ZPLD1: variants seen among roughly 807,000 people sequenced by gnomAD.
ZPLD1 encodes zona pellucida like domain containing 1.
A neutral mutation model predicts 47.2 loss-of-function variants in ZPLD1; 34 were observed. The observed-to-expected ratio is 0.72, with a 90% CI of 0.55 to 0.96. The LOEUF is 0.96. ZPLD1 is among the 40% of genes least tolerant of loss of function. The pLI, the probability that ZPLD1 is intolerant of heterozygous loss-of-function variation, is 0.00. For missense variants in ZPLD1, 512 were observed against 505.8 expected (o/e 1.01, Z -0.12); for synonymous variants, 176 against 186.2 (o/e 0.95, Z 0.45).
chr3:102,430,565 T>C (rs1337431998), upstream of ZPLD1, among the ~76,000 whole-genome samples: 5 of 152,150 alleles, frequency 3.3e-5, no homozygotes, highest in Non-Finnish European at 2.9e-5. Flanking sequence ...AAATAATTAA[T>C]TAACAGAAAT....
intron 7 of ZPLD1, among the ~76,000 whole-genome samples, chr3:102,398,410 T>C (rs1360880422): frequency 2.0e-5 from 3 of 152,148 alleles, no homozygotes; most frequent in Non-Finnish European, 4.4e-5. Context: ...TTGTTTGACC[T>C]AAGGTGAGTC....
At position 102,435,565 on chromosome 3, in the gene ZPLD1, T is replaced by C. The variant is rs374867642; in HGVS notation, c.-123+411T>C. ...GGTGGCCTTGAAACTAAGTTTTCAATGCCTTCTGTATGTCCAAACTATACT... is the reference window on the plus strand; with the variant it reads ...GGTGGCCTTGAAACTAAGTTTTCAACGCCTTCTGTATGTCCAAACTATACT... On this transcript the variant is annotated intron_variant, in intron 1 of 11. Transcript: ENST00000466937. Among the ~76,000 whole-genome samples, 153 of 152,240 alleles carry C rather than the reference T, an allele frequency of 1.0e-3. 5 individuals are homozygous for C. The South Asian group carries it at 0.03, about 30-fold the overall frequency.
intron 7 of ZPLD1, among the ~76,000 whole-genome samples, chr3:102,463,142 AT>A (rs901347227): frequency 2.7e-4 from 41 of 151,962 alleles, no homozygotes; most frequent in Admixed American, 4.6e-4. Flanking sequence ...ATGGATTAGT[AT>A]TTTTTTTATA....
At chr3:102,450,722 T>C (rs1446172929) in intron 3 of ZPLD1, among the ~76,000 whole-genome samples, 2 of 152,172 alleles carry the variant, frequency 1.3e-5, no homozygotes, top group Non-Finnish European at 2.9e-5. Context: ...GTTAGGTTCC[T>C]GGACTAGTAC....
At chr3:102,459,942 T>C (rs1249728157) in intron 6 of ZPLD1, among the ~76,000 whole-genome samples, 1 of 152,118 alleles carries the variant, frequency 6.6e-6, no homozygotes, top group Non-Finnish European at 1.5e-5. Context: ...TGGCATTTGC[T>C]CATCATTGCT....
At chr3:102,387,933 T>G (rs546388919) in intron 6 of ZPLD1, among the ~76,000 whole-genome samples, 45 of 141,078 alleles carry the variant, frequency 3.2e-4, no homozygotes, top group Non-Finnish European at 6.4e-4. Context: ...CGATCTCCGC[T>G]CACTGCAAGC....
At chr3:102,395,047 G>A (rs757356069) in intron 7 of ZPLD1, among the ~76,000 whole-genome samples, 2 of 152,038 alleles carry the variant, frequency 1.3e-5, no homozygotes, top group African/African-American at 2.4e-5. Context: ...GCATCAGTGG[G>A]GTAGTAGAAG....
intron 2 of ZPLD1, 70 bp from the exon 3 acceptor site, chr3:102,438,410 C>T: frequency 9.1e-7 from 1 of 1,102,618 alleles, no homozygotes; most frequent in Non-Finnish European, 1.4e-6. Context: ...AGATCAGCCT[C>T]AGTTTTTCCA....
chr3:102,461,031 C>T (rs186674496), intron 6 of ZPLD1, among the ~76,000 whole-genome samples: 11 of 151,900 alleles, frequency 7.2e-5, no homozygotes, highest in Non-Finnish European at 3.0e-5. Context: ...AAGTATATCT[C>T]TTATATATTT....
intron 7 of ZPLD1, 80 bp downstream of exon 7, chr3:102,462,458 C>G: frequency 2.2e-6 from 2 of 904,062 alleles, no homozygotes; most frequent in Non-Finnish European, 3.4e-6. Flanking sequence ...TTGGGCCATT[C>G]ATTTTTAAAT....
At chr3:102,448,794 A>G (rs1707295468) in intron 3 of ZPLD1, among the ~76,000 whole-genome samples, 1 of 152,168 alleles carries the variant, frequency 6.6e-6, no homozygotes, top group Non-Finnish European at 1.5e-5. Context: ...CCTTAAACAG[A>G]GCTGAGGAAA....
chr3:102,457,230 A>T (rs1003293060), intron 5 of ZPLD1, among the ~76,000 whole-genome samples: 1 of 152,228 alleles, frequency 6.6e-6, no homozygotes, highest in African/African-American at 2.4e-5. Context: ...CTTGGTCAGA[A>T]GCAAGACTTT....
At chr3:102,462,602 G>T (rs555213313) in intron 7 of ZPLD1, among the ~76,000 whole-genome samples, 2 of 152,082 alleles carry the variant, frequency 1.3e-5, no homozygotes, top group South Asian at 2.1e-4. Flanking sequence ...CATAAAGAAG[G>T]GGGGTGGTTC....
At chr3:102,475,426 T>A (rs1403591388) in intron 10 of ZPLD1, among the ~76,000 whole-genome samples, 1 of 152,212 alleles carries the variant, frequency 6.6e-6, no homozygotes, top group Non-Finnish European at 1.5e-5. Flanking sequence ...AGGAACTTTC[T>A]ATTTTTTAGT....
chr3:102,422,535 A>G (rs1168992070), intron 8 of ZPLD1, among the ~76,000 whole-genome samples: 2 of 152,088 alleles, frequency 1.3e-5, no homozygotes, highest in Non-Finnish European at 2.9e-5. Context: ...TCTGAGGAAA[A>G]TACAGAAGAA....
chr3:102,439,801 G>A (rs944285173), intron 3 of ZPLD1, among the ~76,000 whole-genome samples: 12 of 152,122 alleles, frequency 7.9e-5, no homozygotes, highest in Non-Finnish European at 1.2e-4. Context: ...TTACGTATAC[G>A]TCTAATAAGC....
intron 7 of ZPLD1, among the ~76,000 whole-genome samples, chr3:102,416,236 C>T (rs1046401969): frequency 1.3e-5 from 2 of 151,882 alleles, no homozygotes; most frequent in African/African-American, 4.8e-5. Context: ...TTTATCTCAA[C>T]TATTTTATAT....
chr3:102,460,915 C>T (rs1429505779), intron 6 of ZPLD1, among the ~76,000 whole-genome samples: 1 of 151,106 alleles, frequency 6.6e-6, no homozygotes, highest in African/African-American at 2.4e-5. Context: ...GAAAAGGGAG[C>T]CTGAAAGATA....
At chr3:102,393,246 A>G (rs1485262178) in intron 7 of ZPLD1, among the ~76,000 whole-genome samples, 1 of 152,194 alleles carries the variant, frequency 6.6e-6, no homozygotes, top group African/African-American at 2.4e-5. Flanking sequence ...ACACCACGTC[A>G]AAGCCAACTA....
Sources: allele counts gnomAD v4.1 joint callset (sites outside exome capture counted in the v4.1 genomes callset), GRCh38; gene constraint gnomAD v4.1.1; transcripts MANE v1.5; gene names NCBI Gene and HGNC (gene_info 2026-07-23, HGNC 2026-07-21).